The following TEX14 variants were observed in gnomAD, a reference collection of about 807,000 sequenced individuals.
TEX14 encodes inactive serine/threonine-protein kinase TEX14.
Under a neutral mutation model 178.6 loss-of-function variants are expected in TEX14, and 168 were observed. That is an observed-to-expected ratio of 0.94 (90% CI 0.83 to 1.07). TEX14 has a LOEUF of 1.07. Ranked by LOEUF, TEX14 falls within the 50% of genes least tolerant of loss-of-function variation. The probability of loss-of-function intolerance (pLI) is 0.00; values close to 1 mark genes in which losing one functional copy is unlikely to be tolerated. For missense variants in TEX14, 1,730 were observed against 1,753.6 expected (o/e 0.99, Z 0.24); for synonymous variants, 626 against 634.1 (o/e 0.99, Z 0.19).
intron 1 of TEX14, among the ~76,000 whole-genome samples, chr17:58,663,571 A>G (rs1000784379): frequency 6.6e-6 from 1 of 151,512 alleles, no homozygotes; most frequent in Non-Finnish European, 1.5e-5. Context: ...GGTTCAAGCA[A>G]TTCTCCTGCC....
At chr17:58,671,312 T>A (rs1319297407) in intron 1 of TEX14, among the ~76,000 whole-genome samples, 1 of 152,202 alleles carries the variant, frequency 6.6e-6, no homozygotes, top group East Asian at 1.9e-4. Flanking sequence ...TAACTTTTTG[T>A]GCCATCCCCT....
At chr17:58,669,791 C>T (rs1457300174) in intron 1 of TEX14, among the ~76,000 whole-genome samples, 1 of 147,286 alleles carries the variant, frequency 6.8e-6, no homozygotes, top group East Asian at 2.0e-4. Flanking sequence ...TGAGGTTTAG[C>T]AAGAAGCACC....
chr17:58,663,769 C>G (rs1371232023), intron 1 of TEX14, among the ~76,000 whole-genome samples: 1 of 152,128 alleles, frequency 6.6e-6, no homozygotes, highest in African/African-American at 2.4e-5. Flanking sequence ...TGCCAGGCCA[C>G]TAAATGTCTT....
chr17:58,580,462 C>A (rs1012761568), intron 19 of TEX14, among the ~76,000 whole-genome samples: 7 of 152,182 alleles, frequency 4.6e-5, no homozygotes, highest in Non-Finnish European at 7.3e-5. Flanking sequence ...CAGGCACCTG[C>A]CACTGCGCCC....
chr17:58,688,701 C>T (rs2047641528), intron 1 of TEX14, among the ~76,000 whole-genome samples: 1 of 152,118 alleles, frequency 6.6e-6, no homozygotes, highest in African/African-American at 2.4e-5. Flanking sequence ...TGATACAAAT[C>T]CAAATCTGTG....
chr17:58,661,458 G>A (rs774362544), intron 1 of TEX14: 2 of 786,514 alleles, frequency 2.5e-6, no homozygotes, highest in Non-Finnish European at 4.7e-6. Context: ...AGGAGGTCGA[G>A]GCCCTTGAAC....
intron 1 of TEX14, chr17:58,679,531 G>GA (rs1226025303): frequency 1.3e-5 from 2 of 152,138 alleles, no homozygotes; most frequent in Admixed American, 6.6e-5. Context: ...CAGATCAGGG[G>GA]AGAGAACCAA....
intron 2 of TEX14, among the ~76,000 whole-genome samples, chr17:58,641,100 T>C (rs1350736106): frequency 1.3e-5 from 2 of 152,084 alleles, no homozygotes; most frequent in African/African-American, 4.8e-5. Flanking sequence ...AAGCCAAGAC[T>C]TGAATGATTA....
At chr17:58,629,728 A>G (rs2046236871) in intron 3 of TEX14, among the ~76,000 whole-genome samples, 1 of 147,902 alleles carries the variant, frequency 6.8e-6, no homozygotes, top group Non-Finnish European at 1.5e-5. Flanking sequence ...CCAGCTCCTC[A>G]GGAGGCTGAG....
chr17:58,599,755 TC>T, intron 13 of TEX14, 89 bp from the exon 14 acceptor site: 16 of 950,922 alleles, frequency 1.7e-5, no homozygotes, highest in South Asian at 5.6e-5. Flanking sequence ...GCAAAGACTG[TC>T]AAAAAAAAAA....
chr17:58,644,756 C>T (rs1174083494), intron 2 of TEX14, among the ~76,000 whole-genome samples: 1 of 148,922 alleles, frequency 6.7e-6, no homozygotes, highest in East Asian at 2.0e-4. Context: ...GATTCTCCTG[C>T]CTCAGCCTCC....
Position 58,646,009 on chromosome 17 carries a change from TTTTG to T in TEX14, c.136+5853_136+5856del, listed in dbSNP as rs1333178478. 2.0e-5 allele frequency among the ~76,000 whole-genome samples: 3 copies of T among 152,220 alleles called. No homozygotes were observed. The East Asian group carries it at 5.8e-4, about 29-fold the overall frequency. On this transcript the variant is annotated intron_variant, in intron 2 of 31. Transcript: ENST00000349033. ...TATGTTAATAGTTGTTAGTCTTCATTTTTGTTTGTATTTTTTATTGTAGTGTTAT... is the reference window on the plus strand; with the variant it reads ...TATGTTAATAGTTGTTAGTCTTCATTTTTGTATTTTTTATTGTAGTGTTAT...
chr17:58,615,497 C>T (rs893196836), intron 7 of TEX14, 152 bp from the exon 8 acceptor site: 12 of 626,874 alleles, frequency 1.9e-5, no homozygotes, highest in Non-Finnish European at 2.8e-5. Context: ...CTCCCACTAC[C>T]CACCCCCAGG....
chr17:58,616,763 T>C (rs2045882981), intron 6 of TEX14, among the ~76,000 whole-genome samples: 2 of 152,198 alleles, frequency 1.3e-5, no homozygotes, highest in Non-Finnish European at 2.9e-5. Flanking sequence ...TAAAAACCTT[T>C]CAAGGTTTTA....
intron 2 of TEX14, among the ~76,000 whole-genome samples, chr17:58,646,563 G>T (rs1009971318): frequency 1.3e-5 from 2 of 152,112 alleles, no homozygotes; most frequent in Admixed American, 6.6e-5. Flanking sequence ...GACTCCTGGG[G>T]TCAAGTGATT....
chr17:58,682,074 G>A (rs2047509433), intron 1 of TEX14, among the ~76,000 whole-genome samples: 1 of 151,916 alleles, frequency 6.6e-6, no homozygotes, highest in African/African-American at 2.4e-5. Flanking sequence ...TGAGCCTCCT[G>A]AGTAGCTGGG....
Position 58,615,218 on chromosome 17 carries a change from G to A in TEX14, c.881+14C>T. 2 of 1,557,052 alleles carry A rather than the reference G, an allele frequency of 1.3e-6. No individual in the cohort carries two copies. Among genetic ancestry groups the A allele is most frequent in the Non-Finnish European group, 1.8e-6 (2 of 1,128,726 alleles). On this transcript the variant is annotated intron_variant, in intron 8 of 31. Transcript: ENST00000349033. ...AGACCTGGACCTATAAGGGGCCTTG[G>A]GCTTCCTTCTCACCTGCTGTGTTCC...
chr17:58,660,456 A>C, intron 1 of TEX14: 1 of 574,534 alleles, frequency 1.7e-6, no homozygotes, highest in Non-Finnish European at 3.2e-6. Flanking sequence ...ACTCAAAGCA[A>C]CATTAAGCAT....
chr17:58,639,779 G>A (rs1211329788), intron 2 of TEX14, among the ~76,000 whole-genome samples: 1 of 152,156 alleles, frequency 6.6e-6, no homozygotes, highest in East Asian at 1.9e-4. Flanking sequence ...AATCTCAGCA[G>A]TTGCTCACAA....
Sources: allele counts gnomAD v4.1 joint callset (sites outside exome capture counted in the v4.1 genomes callset), GRCh38; gene constraint gnomAD v4.1.1; transcripts MANE v1.5; gene names NCBI Gene and HGNC (gene_info 2026-07-23, HGNC 2026-07-21).